Variants in VEPH1 observed in about 807,000 individuals in gnomAD.
VEPH1 encodes ventricular zone-expressed PH domain-containing protein homolog 1.
VEPH1 carries 80 observed loss-of-function variants against 85.2 expected under a neutral mutation model. The ratio of observed to expected loss-of-function variants is 0.94; its 90% CI spans 0.78 to 1.13. The LOEUF (loss-of-function observed/expected upper bound fraction) is 1.13. Ranked by LOEUF, VEPH1 falls within the 50% of genes most tolerant of loss-of-function variation. The pLI is 0.00. For synonymous variants in VEPH1, 297 were observed against 348.0 expected (o/e 0.85, Z 1.63); for missense variants, 955 against 980.5 (o/e 0.97, Z 0.35).
intron 2 of VEPH1, among the ~76,000 whole-genome samples, chr3:157,482,602 C>T (rs1011172409): frequency 6.6e-6 from 1 of 152,198 alleles, no homozygotes; most frequent in African/African-American, 2.4e-5. Context: ...GATACTGATT[C>T]TTCCAATCCA....
chr3:157,392,180 C>T (rs1729924681), intron 6 of VEPH1, among the ~76,000 whole-genome samples: 1 of 152,174 alleles, frequency 6.6e-6, no homozygotes, highest in African/African-American at 2.4e-5. Context: ...AACAACAAAG[C>T]AACCAGCTAA....
chr3:157,500,672 C>A (rs952759504), intron 1 of VEPH1, among the ~76,000 whole-genome samples: 8 of 152,138 alleles, frequency 5.3e-5, no homozygotes, highest in African/African-American at 1.9e-4. Flanking sequence ...ATTGCTTTAG[C>A]CTTCCCTTTT....
chr3:157,463,887 A>G (rs1736119112), intron 3 of VEPH1, among the ~76,000 whole-genome samples: 1 of 152,212 alleles, frequency 6.6e-6, no homozygotes, highest in Non-Finnish European at 1.5e-5. Context: ...GGGATATTTC[A>G]GGTAGACCAC....
At chr3:157,492,178 G>T (rs1739269250) in intron 2 of VEPH1, among the ~76,000 whole-genome samples, 1 of 152,098 alleles carries the variant, frequency 6.6e-6, no homozygotes, top group African/African-American at 2.4e-5. Flanking sequence ...GTAATCTCAG[G>T]GAGGAAGGGC....
At chr3:157,385,127 C>T (rs1729149821) in intron 6 of VEPH1, among the ~76,000 whole-genome samples, 1 of 151,350 alleles carries the variant, frequency 6.6e-6, no homozygotes, top group African/African-American at 2.4e-5. Flanking sequence ...GAAACTGAAG[C>T]ACAGATAGGA....
intron 3 of VEPH1, among the ~76,000 whole-genome samples, chr3:157,468,529 C>A (rs371274184): frequency 1.0e-3 from 152 of 152,160 alleles, no homozygotes; most frequent in African/African-American, 3.7e-3. Flanking sequence ...GAGCCGAGAT[C>A]ACGCCACTGC....
At chr3:157,425,435 A>C (rs1261545925) in intron 5 of VEPH1, among the ~76,000 whole-genome samples, 1 of 152,190 alleles carries the variant, frequency 6.6e-6, no homozygotes, top group African/African-American at 2.4e-5. Context: ...GAAAAGTCAC[A>C]GGGGTGGAGC....
intron 12 of VEPH1, among the ~76,000 whole-genome samples, chr3:157,272,366 T>C (rs188082284): frequency 0.15 from 18,408 of 123,220 alleles, 2,008 homozygotes; most frequent in Non-Finnish European, 0.22. Context: ...CTTTCTTTCT[T>C]TCTCTTTCTT....
rs537539303 is a variant in VEPH1, at chr3:157,280,310, G to A, written c.2128+6247C>T. ...CTCATCTATATATTGGCTTGACTCAGCTTGTTCTCTATGTGGAAAAGGACA... is the reference window on the plus strand; with the variant it reads ...CTCATCTATATATTGGCTTGACTCAACTTGTTCTCTATGTGGAAAAGGACA... On this transcript the variant is annotated intron_variant, in intron 12 of 13. Transcript: ENST00000362010. Among the ~76,000 whole-genome samples the A allele has an allele frequency of 4.1e-4, 63 of 152,192 alleles. No homozygotes were observed. The Middle Eastern group carries it at 0.01, about 25-fold the overall frequency.
chr3:157,337,965 C>T (rs1000695840), intron 9 of VEPH1, among the ~76,000 whole-genome samples: 1 of 151,970 alleles, frequency 6.6e-6, no homozygotes, highest in East Asian at 1.9e-4. Context: ...TATGAAATAG[C>T]ACCTCCCCAG....
Position 157,461,698 on chromosome 3 carries a change from G to A in VEPH1, c.355-1343C>T, listed in dbSNP as rs73873702. On this transcript the variant is annotated intron_variant, in intron 3 of 13. Transcript: ENST00000362010. The stretch of plus-strand genomic sequence containing the variant: ...TACAATTCCTGAGCAATAGAAATGG[G>A]GCAATTGGGTCAATTAGATATTTAC... 3.8e-3 allele frequency among the ~76,000 whole-genome samples: 575 copies of A among 152,082 alleles called. 2 individuals carry two copies. The highest frequency in any genetic ancestry group is 0.013 in the African/African-American group (534 of 41,448).
At chr3:157,291,542 G>C (rs899556907) in intron 11 of VEPH1, among the ~76,000 whole-genome samples, 13 of 152,186 alleles carry the variant, frequency 8.5e-5, no homozygotes, top group African/African-American at 2.9e-4. Flanking sequence ...CATGGATAAA[G>C]AGATGAAAGA....
At chr3:157,489,338 AG>A (rs1738996324) in intron 2 of VEPH1, 1 of 373,052 alleles carries the variant, frequency 2.7e-6, no homozygotes, top group Non-Finnish European at 5.4e-6. Flanking sequence ...CTACAACCTC[AG>A]GACTTTTGTA....
At chr3:157,292,110 C>A (rs79121566) in intron 11 of VEPH1, among the ~76,000 whole-genome samples, 1 of 152,118 alleles carries the variant, frequency 6.6e-6, no homozygotes, top group Non-Finnish European at 1.5e-5. Context: ...TTTTTCAGAT[C>A]GTCTGTTCAG....
intron 9 of VEPH1, among the ~76,000 whole-genome samples, chr3:157,327,284 A>G (rs1053647924): frequency 9.9e-5 from 15 of 152,112 alleles, no homozygotes; most frequent in Non-Finnish European, 4.4e-5. Flanking sequence ...AGCATAGGAG[A>G]GATGAGAGAA....
chr3:157,450,571 A>AATAT (rs535587202), intron 4 of VEPH1, among the ~76,000 whole-genome samples: 6 of 149,874 alleles, frequency 4.0e-5, no homozygotes, highest in African/African-American at 1.5e-4. Context: ...TATATAGTGA[A>AATAT]ATATATATAT....
chr3:157,420,901 C>T lies in VEPH1; in HGVS notation c.697-6811G>A, dbSNP rs16827621. ...AGATATGCTTATATGTGTTACTAAA[C>T]TCTGTTCCTTTCGTTGGCTAGACTA... On this transcript the variant is annotated intron_variant, in intron 5 of 13. Coordinates refer to ENST00000362010, the MANE Select transcript of VEPH1 (RefSeq NM_001167912.2). Among the ~76,000 whole-genome samples, 781 of 152,328 alleles carry T rather than the reference C, an allele frequency of 5.1e-3. 6 individuals carry two copies. Among genetic ancestry groups the T allele is most frequent in the South Asian group, 0.016 (76 of 4,832 alleles).
At chr3:157,311,558 T>C (rs981939111) in intron 11 of VEPH1, among the ~76,000 whole-genome samples, 1 of 152,252 alleles carries the variant, frequency 6.6e-6, no homozygotes, top group African/African-American at 2.4e-5. Context: ...TTTCTATTAC[T>C]CATGAACAAA....
intron 4 of VEPH1, chr3:157,437,972 T>TC: frequency 6.6e-7 from 1 of 1,505,662 alleles, no homozygotes; most frequent in Non-Finnish European, 8.8e-7. Context: ...GGAGCGCGCG[T>TC]AACGGCAAGC....
Sources: gnomAD v4.1 joint callset for allele counts (sites outside exome capture counted in the v4.1 genomes callset) on GRCh38, gnomAD v4.1.1 for gene constraint, MANE v1.5 for transcripts, NCBI Gene and HGNC (gene_info 2026-07-23, HGNC 2026-07-21) for gene names.